The following BZW2 variants were observed in gnomAD, a reference collection of about 807,000 sequenced individuals.
The protein encoded by BZW2 is basic leucine zipper and W2 domains 2, also known as eIF5-mimic protein 1.
BZW2 carries 23 observed loss-of-function variants against 53.2 expected under a neutral mutation model. The ratio of observed to expected loss-of-function variants is 0.43; its 90% CI spans 0.31 to 0.61. The LOEUF (loss-of-function observed/expected upper bound fraction) is 0.61. Among genes scored for constraint, BZW2 ranks in the 20% least tolerant of loss-of-function variants. The pLI, the probability that BZW2 is intolerant of heterozygous loss-of-function variation, is 0.09. For missense variants in BZW2, 409 were observed against 503.1 expected (o/e 0.81, Z 1.79); for synonymous variants, 227 against 186.4 (o/e 1.22, Z -1.77).
At chr7:16,696,290 T>C (rs1466512892) in intron 8 of BZW2, among the ~76,000 whole-genome samples, 3 of 152,238 alleles carry the variant, frequency 2.0e-5, no homozygotes, top group Admixed American at 2.0e-4. Context: ...CTATATTCCA[T>C]ACTCTCAGGG....
intron 1 of BZW2, among the ~76,000 whole-genome samples, chr7:16,662,974 G>T (rs749778129): frequency 1.2e-4 from 18 of 152,114 alleles, no homozygotes; most frequent in Non-Finnish European, 2.4e-4. Flanking sequence ...TAATATTTGT[G>T]TTTGGGAGAT....
At chr7:16,683,247 C>T (rs918903974) in intron 5 of BZW2, among the ~76,000 whole-genome samples, 2 of 151,992 alleles carry the variant, frequency 1.3e-5, no homozygotes, top group Non-Finnish European at 2.9e-5. Flanking sequence ...TGCAGAAGTG[C>T]CATATATGTA....
chr7:16,689,150 C>G (rs1007913946), intron 6 of BZW2, among the ~76,000 whole-genome samples: 1 of 152,132 alleles, frequency 6.6e-6, no homozygotes, highest in African/African-American at 2.4e-5. Flanking sequence ...CACTTGAACC[C>G]AGGAGGTGAA....
At chr7:16,697,192 C>A in intron 9 of BZW2, 131 bp downstream of exon 9, 3 of 1,054,272 alleles carry the variant, frequency 2.8e-6, no homozygotes, top group Admixed American at 2.9e-5. Context: ...TGGGCTCAAG[C>A]CACCCTCCCT....
intron 1 of BZW2, among the ~76,000 whole-genome samples, chr7:16,647,376 A>T (rs941692666): frequency 5.9e-5 from 9 of 152,332 alleles, no homozygotes; most frequent in African/African-American, 1.9e-4. Flanking sequence ...TCATAGCGCC[A>T]TACGAAAAGC....
At chr7:16,666,466 C>T (rs1782431850) in intron 2 of BZW2, among the ~76,000 whole-genome samples, 2 of 150,944 alleles carry the variant, frequency 1.3e-5, no homozygotes, top group Non-Finnish European at 3.0e-5. Context: ...GCAGTGGCGC[C>T]ATCTCGGCTC....
At chr7:16,655,416 AT>A (rs1782099694) in intron 1 of BZW2, among the ~76,000 whole-genome samples, 2 of 152,294 alleles carry the variant, frequency 1.3e-5, no homozygotes, top group African/African-American at 4.8e-5. Flanking sequence ...AATTTTTCAT[AT>A]GTGGGGTACA....
intron 1 of BZW2, among the ~76,000 whole-genome samples, chr7:16,655,109 A>G (rs1782088976): frequency 6.6e-6 from 1 of 152,246 alleles, no homozygotes; most frequent in Middle Eastern, 3.4e-3. Flanking sequence ...ACTTTTTTCA[A>G]TGGATTAGAC....
At chr7:16,696,178 G>A (rs567880260) in intron 8 of BZW2, 11 of 152,332 alleles carry the variant, frequency 7.2e-5, no homozygotes, top group African/African-American at 2.6e-4. Context: ...AAAGTAGTAT[G>A]CTGGAGATAT....
chr7:16,673,598 ACC>A (rs1469542633), intron 2 of BZW2, among the ~76,000 whole-genome samples: 1 of 152,092 alleles, frequency 6.6e-6, no homozygotes, highest in Admixed American at 6.6e-5. Context: ...CATAGATTGA[ACC>A]TCCATAAACA....
intron 1 of BZW2, among the ~76,000 whole-genome samples, chr7:16,650,393 G>C (rs1402724469): frequency 6.6e-6 from 1 of 151,992 alleles, no homozygotes; most frequent in Non-Finnish European, 1.5e-5. Flanking sequence ...CAACTCAGAA[G>C]GCATTCCAAA....
intron 4 of BZW2, among the ~76,000 whole-genome samples, chr7:16,681,750 T>C (rs2128361782): frequency 6.6e-6 from 1 of 152,288 alleles, no homozygotes; most frequent in East Asian, 1.9e-4. Flanking sequence ...GAGGATCACT[T>C]GAACCCAGAA....
chr7:16,681,072 A>G (rs1027063339), intron 3 of BZW2, among the ~76,000 whole-genome samples: 4 of 152,152 alleles, frequency 2.6e-5, no homozygotes, highest in African/African-American at 9.7e-5. Context: ...CCATTGCACA[A>G]TTGTCACAGC....
chr7:16,685,350 G>C (rs1195745512), intron 5 of BZW2, among the ~76,000 whole-genome samples: 1 of 151,148 alleles, frequency 6.6e-6, no homozygotes, highest in East Asian at 1.9e-4. Flanking sequence ...GAAGACTGTT[G>C]TATTCCGTGA....
chr7:16,683,490 G>A (rs1783016844), intron 5 of BZW2, among the ~76,000 whole-genome samples: 1 of 152,212 alleles, frequency 6.6e-6, no homozygotes, highest in African/African-American at 2.4e-5. Context: ...AGTAGTTAAA[G>A]CCTATGGAAG....
intron 2 of BZW2, among the ~76,000 whole-genome samples, chr7:16,669,838 A>G (rs1782546353): frequency 6.6e-6 from 1 of 152,220 alleles, no homozygotes; most frequent in Admixed American, 6.5e-5. Context: ...TGGAGACCCT[A>G]ATTATATCCT....
At chr7:16,658,367 T>C (rs1782169449) in intron 1 of BZW2, among the ~76,000 whole-genome samples, 1 of 152,218 alleles carries the variant, frequency 6.6e-6, no homozygotes. Context: ...GTAATTTTTG[T>C]AATATTTTTA....
At chr7:16,647,128 G>T (rs551356699) in intron 1 of BZW2, among the ~76,000 whole-genome samples, 1 of 152,244 alleles carries the variant, frequency 6.6e-6, no homozygotes, top group Non-Finnish European at 1.5e-5. Flanking sequence ...TTCAGAATAA[G>T]ATTTGCTTGC....
At chr7:16,661,446 T>G (rs190437020) in intron 1 of BZW2, 16 of 152,268 alleles carry the variant, frequency 1.1e-4, no homozygotes, top group Admixed American at 9.2e-4. Context: ...GCCCAGAGTC[T>G]CATTGCAAGT....
Sources: gnomAD v4.1 joint callset for allele counts (sites outside exome capture counted in the v4.1 genomes callset) on GRCh38, gnomAD v4.1.1 for gene constraint, MANE v1.5 for transcripts, NCBI Gene and HGNC (gene_info 2026-07-23, HGNC 2026-07-21) for gene names.